Variants in GLIS3 observed in about 807,000 individuals in gnomAD.
GLIS3 encodes the protein GLIS family zinc finger 3.
GLIS3 carries 53 observed loss-of-function variants against 78.6 expected under a neutral mutation model. The observed-to-expected ratio is 0.67, with a 90% CI of 0.54 to 0.85. The LOEUF (loss-of-function observed/expected upper bound fraction) is 0.85. GLIS3 is among the 40% of genes least tolerant of loss of function. The pLI is 0.00. For synonymous variants in GLIS3, 684 were observed against 509.9 expected, an observed-to-expected ratio of 1.34 and a Z score of -4.60; for missense variants, 1,703 against 1,231.1, an observed-to-expected ratio of 1.38 and a Z score of -5.74.
chr9:4,103,193 G>A lies in GLIS3; in HGVS notation c.1710+14575C>T, dbSNP rs141720262. On this transcript the variant is annotated intron_variant, in intron 4 of 10. Transcript: ENST00000381971. ...TACACAAAAGGTTTTTCATTTAGCTGTTTCTACAGTAAGAAGAAATATAAT... is the reference window on the plus strand; with the variant it reads ...TACACAAAAGGTTTTTCATTTAGCTATTTCTACAGTAAGAAGAAATATAAT... Among the ~76,000 whole-genome samples the A allele has an allele frequency of 5.2e-3, 792 of 152,176 alleles. 8 individuals are homozygous for A. Among genetic ancestry groups the A allele is most frequent in the Middle Eastern group, 0.014 (4 of 294 alleles).
At chr9:4,283,575 G>A (rs1827744112) in intron 2 of GLIS3, among the ~76,000 whole-genome samples, 1 of 152,258 alleles carries the variant, frequency 6.6e-6, no homozygotes, top group East Asian at 1.9e-4. Context: ...CTACTGTGCT[G>A]TAGTTTAACT....
chr9:3,879,184 C>G (rs1821550371), intron 8 of GLIS3, among the ~76,000 whole-genome samples: 1 of 152,132 alleles, frequency 6.6e-6, no homozygotes, highest in Non-Finnish European at 1.5e-5. Flanking sequence ...TGGTGTGTTT[C>G]CAGCATCTGA....
At chr9:4,020,503 TTAGTA>T (rs1822798138) in intron 4 of GLIS3, among the ~76,000 whole-genome samples, 1 of 152,190 alleles carries the variant, frequency 6.6e-6, no homozygotes, top group African/African-American at 2.4e-5. Context: ...ACCCTTTTGC[TTAGTA>T]TAAGAGCATG....
chr9:4,037,344 C>G (rs1824404239), intron 4 of GLIS3, among the ~76,000 whole-genome samples: 1 of 152,072 alleles, frequency 6.6e-6, no homozygotes, highest in Non-Finnish European at 1.5e-5. Flanking sequence ...CCCTCCGTGC[C>G]TCAGTTTTCT....
At chr9:4,373,488 A>G in the GLIS3 span, among the ~76,000 whole-genome samples, 1 of 152,182 alleles carries the variant, frequency 6.6e-6, no homozygotes, top group African/African-American at 2.4e-5. Context: ...TCTGGGGGGA[A>G]AAACTGTTGA....
Position 4,050,202 on chromosome 9 carries a change from A to G in GLIS3, c.1710+67566T>C, listed in dbSNP as rs898306011. On this transcript the variant is annotated intron_variant, in intron 4 of 10. Transcript: ENST00000381971. Reference sequence around the variant, plus strand: ...GCAAAGACTTGGAACCAACCCAAATATCCAGCAATGATAGACTGGATTAAG... The same window carrying G: ...GCAAAGACTTGGAACCAACCCAAATGTCCAGCAATGATAGACTGGATTAAG... Among the ~76,000 whole-genome samples, 16 of 152,316 alleles carry G rather than the reference A, an allele frequency of 1.1e-4. No homozygotes were observed. The South Asian group carries it at 1.7e-3, about 16-fold the overall frequency.
chr9:4,028,767 T>C (rs1445186247), intron 4 of GLIS3, among the ~76,000 whole-genome samples: 4 of 152,206 alleles, frequency 2.6e-5, no homozygotes, highest in Non-Finnish European at 5.9e-5. Context: ...ATACAGAACA[T>C]TTTATATGGA....
At chr9:3,967,040 A>AG (rs1554660159) in intron 4 of GLIS3, among the ~76,000 whole-genome samples, 6,357 of 129,490 alleles carry the variant, frequency 0.049, 650 homozygotes, top group Middle Eastern at 0.062. Context: ...AAAACAAAAA[A>AG]ACATTTTGAG....
At chr9:4,334,365 G>C (rs1370851216) in intron 2 of GLIS3, among the ~76,000 whole-genome samples, 3 of 152,190 alleles carry the variant, frequency 2.0e-5, no homozygotes, top group African/African-American at 7.2e-5. Flanking sequence ...CAGAGTATGT[G>C]GGTAGACAGA....
intron 10 of GLIS3, among the ~76,000 whole-genome samples, chr9:3,828,644 A>T (rs1817862472): frequency 6.6e-6 from 1 of 152,360 alleles, no homozygotes; most frequent in Non-Finnish European, 1.5e-5. Context: ...AAGAAGTAAA[A>T]GAAAAGTGTT....
chr9:3,923,937 C>G (rs1264307258), intron 6 of GLIS3, among the ~76,000 whole-genome samples: 3 of 152,230 alleles, frequency 2.0e-5, no homozygotes, highest in African/African-American at 7.2e-5. Context: ...CAGTAAAAAT[C>G]TATGGAGCCT....
At chr9:4,442,417 A>T in the GLIS3 span, among the ~76,000 whole-genome samples, 1 of 151,350 alleles carries the variant, frequency 6.6e-6, no homozygotes, top group East Asian at 1.9e-4. Context: ...TTCCCTCCCC[A>T]CCCCCTAAAG....
intron 4 of GLIS3, among the ~76,000 whole-genome samples, chr9:4,050,481 T>A (rs561465295): frequency 1.6e-4 from 24 of 152,042 alleles, no homozygotes; most frequent in South Asian, 1.5e-3. Flanking sequence ...TAGCGTTAGG[T>A]GAAATACCTA....
intron 4 of GLIS3, among the ~76,000 whole-genome samples, chr9:4,029,466 A>T (rs1454478837): frequency 2.6e-5 from 4 of 152,196 alleles, no homozygotes; most frequent in African/African-American, 9.7e-5. Context: ...AAATAATCCA[A>T]TTAAACTTAT....
At chr9:4,447,194 T>C in the GLIS3 span, among the ~76,000 whole-genome samples, 7 of 152,132 alleles carry the variant, frequency 4.6e-5, no homozygotes, top group African/African-American at 1.7e-4. Context: ...ACTATAGGCA[T>C]GTGCCACCAT....
At chr9:3,833,995 A>G (rs897016175) in intron 9 of GLIS3, among the ~76,000 whole-genome samples, 5 of 152,220 alleles carry the variant, frequency 3.3e-5, no homozygotes, top group African/African-American at 1.2e-4. Context: ...GTATAAACAA[A>G]GAAGGCAAAA....
At chr9:4,407,185 T>C in the GLIS3 span, among the ~76,000 whole-genome samples, 1 of 152,122 alleles carries the variant, frequency 6.6e-6, no homozygotes, top group Non-Finnish European at 1.5e-5. Context: ...CAAGAACATA[T>C]ATTGGGAAAA....
chr9:4,489,306 A>T, the GLIS3 span, among the ~76,000 whole-genome samples: 2 of 152,206 alleles, frequency 1.3e-5, no homozygotes, highest in African/African-American at 2.4e-5. Flanking sequence ...TGTAAATCTT[A>T]ATCTATTATC....
chr9:4,079,540 A>G (rs1182307211), intron 4 of GLIS3, among the ~76,000 whole-genome samples: 2 of 152,190 alleles, frequency 1.3e-5, no homozygotes, highest in African/African-American at 4.8e-5. Flanking sequence ...CGGAGGTCAG[A>G]GCAGTTTCAA....
Sources: gnomAD v4.1 joint callset for allele counts (sites outside exome capture counted in the v4.1 genomes callset) on GRCh38, gnomAD v4.1.1 for gene constraint, MANE v1.5 for transcripts, NCBI Gene and HGNC (gene_info 2026-07-23, HGNC 2026-07-21) for gene names.